Variants in DCC observed in about 807,000 individuals in gnomAD.
DCC encodes the protein netrin receptor DCC.
A neutral mutation model predicts 172.5 loss-of-function variants in DCC; 58 were observed. The ratio of observed to expected loss-of-function variants is 0.34; its 90% confidence interval spans 0.27 to 0.42. The LOEUF (loss-of-function observed/expected upper bound fraction) is 0.42, where lower values mean the gene tolerates loss of function less well. DCC is among the 10% of genes least tolerant of loss of function. The pLI, the probability that DCC is intolerant of heterozygous loss-of-function variation, is 1.00. For missense variants in DCC, 1,740 were observed against 1,791.0 expected (o/e 0.97, Z 0.51); for synonymous variants, 709 against 644.5 (o/e 1.10, Z -1.52).
At chr18:53,198,432 G>GCTCT (rs59665065) in intron 9 of DCC, among the ~76,000 whole-genome samples, 9 of 149,344 alleles carry the variant, frequency 6.0e-5, no homozygotes, top group East Asian at 2.0e-4. Context: ...AAACTGAGCA[G>GCTCT]CTCTCTCTCT....
intron 1 of DCC, among the ~76,000 whole-genome samples, chr18:52,589,775 C>T (rs2144794397): frequency 6.6e-6 from 1 of 152,254 alleles, no homozygotes; most frequent in South Asian, 2.1e-4. Context: ...AAACAGAGAA[C>T]TTAGAAGGGA....
intron 2 of DCC, among the ~76,000 whole-genome samples, chr18:52,808,198 C>T (rs28714266): frequency 6.6e-6 from 1 of 152,172 alleles, no homozygotes; most frequent in Non-Finnish European, 1.5e-5. Context: ...TAGGCACTAT[C>T]TACCTGAATC....
Position 53,066,259 on chromosome 18 carries a change from G to A in DCC, c.1261+93G>A, listed in dbSNP as rs112660811. ...ATATTGTTTTTCCTACCCCTCAAGGGCAATATGGCAATATGAAATCATTTA... is the reference window on the plus strand; with the variant it reads ...ATATTGTTTTTCCTACCCCTCAAGGACAATATGGCAATATGAAATCATTTA... On this transcript the variant is annotated intron_variant, in intron 7 of 28. Transcript: ENST00000442544. The A allele has an allele frequency of 3.7e-4, 412 of 1,121,320 alleles. 1 individual carries two copies. The African/African-American group carries it at 5.2e-3, about 14-fold the overall frequency. The allele number at this position is 1,121,320 out of a possible 1,614,324, so 69.5% of individuals were successfully genotyped here.
chr18:53,414,697 A>C (rs1039204040), intron 20 of DCC, among the ~76,000 whole-genome samples: 5 of 151,274 alleles, frequency 3.3e-5, no homozygotes, highest in African/African-American at 1.2e-4. Context: ...AAATACAAAA[A>C]ATTAGCCAGG....
intron 1 of DCC, among the ~76,000 whole-genome samples, chr18:52,626,426 T>C (rs947145727): frequency 2.6e-5 from 4 of 152,198 alleles, no homozygotes; most frequent in African/African-American, 7.2e-5. Context: ...AATATTATAA[T>C]AGCCTTGCCA....
chr18:52,355,125 T>C (rs1400960686), intron 1 of DCC, among the ~76,000 whole-genome samples: 4 of 152,176 alleles, frequency 2.6e-5, no homozygotes, highest in African/African-American at 9.7e-5. Flanking sequence ...CAGAGCACCA[T>C]TCCTGAAGAC....
intron 1 of DCC, among the ~76,000 whole-genome samples, chr18:52,524,863 C>A (rs1017368712): frequency 8.6e-5 from 13 of 151,488 alleles, no homozygotes; most frequent in African/African-American, 3.2e-4. Flanking sequence ...ATTCCTATGC[C>A]CACAATAGGA....
chr18:53,411,069 G>T (rs1180640848), intron 20 of DCC, among the ~76,000 whole-genome samples: 1 of 151,572 alleles, frequency 6.6e-6, no homozygotes, highest in Non-Finnish European at 1.5e-5. Context: ...GATATGACAA[G>T]ACAGAAAGTT....
At chr18:53,526,386 G>A (rs1057096724) in intron 27 of DCC, among the ~76,000 whole-genome samples, 18 of 152,220 alleles carry the variant, frequency 1.2e-4, no homozygotes, top group Admixed American at 8.5e-4. Context: ...GAATCTACTT[G>A]CAATTACATA....
intron 1 of DCC, among the ~76,000 whole-genome samples, chr18:52,649,312 G>T (rs2035079865): frequency 6.8e-6 from 1 of 146,272 alleles, no homozygotes; most frequent in Admixed American, 6.8e-5. Flanking sequence ...GGCGGAGCTT[G>T]CAGTGAGCCG....
intron 5 of DCC, among the ~76,000 whole-genome samples, chr18:53,055,024 C>T (rs2042385023): frequency 6.6e-6 from 1 of 152,026 alleles, no homozygotes; most frequent in Non-Finnish European, 1.5e-5. Context: ...TTAGATTTTC[C>T]AAAGCGATTA....
chr18:52,804,852 G>A (rs1022026247), intron 2 of DCC, among the ~76,000 whole-genome samples: 1 of 152,160 alleles, frequency 6.6e-6, no homozygotes, highest in Admixed American at 6.5e-5. Flanking sequence ...AAAGTGCTGG[G>A]ATTACGGACA....
chr18:53,128,856 CACACACACACACACAT>C (rs948555887), intron 7 of DCC, among the ~76,000 whole-genome samples: 1 of 74,898 alleles, frequency 1.3e-5, no homozygotes, highest in African/African-American at 5.2e-5. Flanking sequence ...CACACACACA[CACACACACACACACAT>C]ATATATATAT....
intron 2 of DCC, among the ~76,000 whole-genome samples, chr18:52,875,886 C>T (rs1250608092): frequency 1.3e-5 from 2 of 152,168 alleles, no homozygotes; most frequent in Non-Finnish European, 2.9e-5. Context: ...TCTCTCATTC[C>T]GGTCAGTTTG....
intron 7 of DCC, among the ~76,000 whole-genome samples, chr18:53,083,186 C>G (rs1419490863): frequency 6.6e-6 from 1 of 151,928 alleles, no homozygotes; most frequent in African/African-American, 2.4e-5. Context: ...TTCGATTGTT[C>G]CAAATAGGAG....
At chr18:53,422,216 T>G (rs1040177840) in intron 21 of DCC, among the ~76,000 whole-genome samples, 3 of 152,172 alleles carry the variant, frequency 2.0e-5, no homozygotes, top group Admixed American at 6.5e-5. Context: ...TGGAAGACAC[T>G]ACCAGCACCA....
intron 14 of DCC, among the ~76,000 whole-genome samples, chr18:53,328,535 TTGTTGC>T: frequency 6.6e-6 from 1 of 152,240 alleles, no homozygotes; most frequent in African/African-American, 2.4e-5. Context: ...GTTGTTGTTG[TTGTTGC>T]TGCTGCTGTT....
intron 2 of DCC, among the ~76,000 whole-genome samples, chr18:52,808,172 G>T (rs1355921160): frequency 2.7e-5 from 4 of 150,184 alleles, no homozygotes; most frequent in African/African-American, 7.3e-5. Context: ...ACATATACAA[G>T]TTAGGAGGAA....
chr18:52,669,517 C>G (rs1451790411), intron 1 of DCC, among the ~76,000 whole-genome samples: 1 of 152,258 alleles, frequency 6.6e-6, no homozygotes, highest in East Asian at 1.9e-4. Flanking sequence ...AGGTTAGAAC[C>G]AAGATGGAAT....
Sources: allele counts gnomAD v4.1 joint callset (sites outside exome capture counted in the v4.1 genomes callset), GRCh38; gene constraint gnomAD v4.1.1; transcripts MANE v1.5; gene names NCBI Gene and HGNC (gene_info 2026-07-23, HGNC 2026-07-21).